RLF: variants seen among roughly 807,000 people sequenced by gnomAD.
The protein encoded by RLF is zinc finger protein Rlf.
RLF carries 7 observed loss-of-function variants against 162.9 expected under a neutral mutation model. That is an observed-to-expected ratio of 0.04 (90% CI 0.02 to 0.08). RLF has a LOEUF of 0.08. Ranked by LOEUF, RLF falls within the 10% of genes least tolerant of loss-of-function variation. The probability of loss-of-function intolerance (pLI) is 1.00; values close to 1 mark genes in which losing one functional copy is unlikely to be tolerated. For synonymous variants in RLF, 782 were observed against 791.5 expected (o/e 0.99, Z 0.20); for missense variants, 1,664 against 2,244.7 (o/e 0.74, Z 5.23).
At chr1:40,193,961 TAAA>T (rs1642595267) in intron 3 of RLF, among the ~76,000 whole-genome samples, 2 of 152,160 alleles carry the variant, frequency 1.3e-5, no homozygotes, top group Non-Finnish European at 2.9e-5. Context: ...TTCAGGAGTT[TAAA>T]ATAAGGGAAA....
In RLF at chr1:40,191,538, G is replaced by GA. The variant is rs1421384810; in HGVS notation, c.474+685_474+686insA. Among the ~76,000 whole-genome samples the GA allele has an allele frequency of 1.1e-4, 16 of 147,404 alleles. 1 individual carries two copies. The highest frequency in any genetic ancestry group is 3.4e-4 in the Admixed American group (5 of 14,854). ...GAGCAACAGAGTGAGACTCTGTCTC[G>GA]GAAAAAAAAAAAAAAGACATAATAA... On this transcript the variant is annotated intron_variant, in intron 3 of 7. Coordinates refer to ENST00000372771, the MANE Select transcript of RLF (RefSeq NM_012421.4).
At chr1:40,220,572 G>A (rs1311291356) in intron 5 of RLF, among the ~76,000 whole-genome samples, 1 of 152,146 alleles carries the variant, frequency 6.6e-6, no homozygotes, top group African/African-American at 2.4e-5. Flanking sequence ...TTGATTCTTA[G>A]TAACTGCTTC....
In RLF at chr1:40,238,110, T is replaced by C. The variant is rs374186831; in HGVS notation, c.3408T>C (p.Tyr1136=). 10 of 1,613,916 alleles carry C rather than the reference T, an allele frequency of 6.2e-6. No individual in the cohort carries two copies. The highest frequency in any genetic ancestry group is 2.7e-5 in the African/African-American group (2 of 74,920). ...TCTGTGAGCTTCAAGGATGCAAATA[T>C]GAATTTGTGACCAGAGAGGCTCTGT... is the stretch of plus-strand genomic sequence containing the variant. ...PFFCELQGCK[Y]EFVTREALLM... Residue 1136 remains tyrosine (Y), a synonymous_variant, in exon 8 of 8, where the codon TAT becomes TAC. Transcript: ENST00000372771. The surrounding 1 kb of genome is among the most constrained non-coding windows in gnomAD (Gnocchi z 5.2).
intron 1 of RLF, among the ~76,000 whole-genome samples, chr1:40,167,770 T>C (rs772189588): frequency 6.6e-6 from 1 of 150,984 alleles, no homozygotes; most frequent in Non-Finnish European, 1.5e-5. Context: ...GTAAGTGCCA[T>C]GAAGGTGTTG....
intron 1 of RLF, among the ~76,000 whole-genome samples, chr1:40,168,773 C>T (rs1042472621): frequency 3.3e-5 from 5 of 151,286 alleles, no homozygotes; most frequent in Non-Finnish European, 7.4e-5. Flanking sequence ...GGGTGGATCA[C>T]CTGAGGTCAG....
chr1:40,196,363 C>T (rs1432044303), intron 4 of RLF, among the ~76,000 whole-genome samples: 1 of 151,776 alleles, frequency 6.6e-6, no homozygotes, highest in East Asian at 1.9e-4. Flanking sequence ...AGAGCCACTG[C>T]GCCCGGTCTG....
intron 4 of RLF, among the ~76,000 whole-genome samples, chr1:40,197,382 C>G (rs1293816802): frequency 6.6e-6 from 1 of 152,114 alleles, no homozygotes; most frequent in African/African-American, 2.4e-5. Flanking sequence ...CTGTTAGAAC[C>G]AGGTAATTTC....
intron 6 of RLF, among the ~76,000 whole-genome samples, chr1:40,224,623 CTTTTTTTTTTTTTTTTTTT>C (rs1168908018): frequency 2.1e-3 from 69 of 33,262 alleles, no homozygotes; most frequent in African/African-American, 8.2e-3. Flanking sequence ...TTTTTGAAAG[CTTTTTTTTTTTTTTTTTTT>C]TTTTTTTTTT....
chr1:40,217,751 A>C (rs1642943878), intron 5 of RLF, among the ~76,000 whole-genome samples: 2 of 152,162 alleles, frequency 1.3e-5, no homozygotes, highest in Admixed American at 6.6e-5. Flanking sequence ...CAGCCTGGGC[A>C]ACAGAGCAAT....
chr1:40,219,614 G>A (rs1298767598), intron 5 of RLF, among the ~76,000 whole-genome samples: 3 of 152,092 alleles, frequency 2.0e-5, no homozygotes, highest in African/African-American at 2.4e-5. Context: ...AACTAGTTCC[G>A]CCTTCACAAT....
At chr1:40,173,811 G>A (rs1642279313) in intron 1 of RLF, among the ~76,000 whole-genome samples, 1 of 152,114 alleles carries the variant, frequency 6.6e-6, no homozygotes, top group Non-Finnish European at 1.5e-5. Context: ...CACCGTGCCA[G>A]GCTGATCATG....
At chr1:40,191,927 G>C (rs537196692) in intron 3 of RLF, among the ~76,000 whole-genome samples, 2 of 152,304 alleles carry the variant, frequency 1.3e-5, no homozygotes, top group South Asian at 4.1e-4. Context: ...GTTACACACA[G>C]ATTTCAAACC....
At chr1:40,229,783 C>A (rs1481133726) in intron 6 of RLF, among the ~76,000 whole-genome samples, 3 of 151,912 alleles carry the variant, frequency 2.0e-5, no homozygotes, top group Non-Finnish European at 4.4e-5. Flanking sequence ...ACCATATATT[C>A]ATTTCAATCT....
chr1:40,169,622 C>CAAAAA (rs886534976), intron 1 of RLF, among the ~76,000 whole-genome samples: 1 of 46,964 alleles, frequency 2.1e-5, no homozygotes. Context: ...GACTCCGTCT[C>CAAAAA]AAAAAAAAAA....
At position 40,238,485 on chromosome 1, in the gene RLF, T is replaced by C. The variant is rs776072633; in HGVS notation, c.3783T>C (p.Cys1261=). 14 of 1,614,070 alleles carry C rather than the reference T, an allele frequency of 8.7e-6. No homozygotes were observed. Among genetic ancestry groups the C allele is most frequent in the Non-Finnish European group, 9.3e-6 (11 of 1,180,010 alleles). The change falls in exon 8 of 8, where the codon TGT becomes TGC. Residue 1261 remains cysteine (C), a synonymous_variant. Transcript: ENST00000372771. The surrounding 1 kb of genome is among the most constrained non-coding windows in gnomAD (Gnocchi z 5.2). ...CTGAAACAGATTTGGAATCATCTTG[T>C]GAAGAAACAGAAAGTAAAACATCTG... ...CSSETDLESS[C]EETESKTSDI...
intron 1 of RLF, among the ~76,000 whole-genome samples, chr1:40,173,512 T>G (rs536641864): frequency 7.8e-5 from 11 of 140,878 alleles, no homozygotes; most frequent in African/African-American, 3.1e-4. Flanking sequence ...TATGATCATG[T>G]AATTTTTTTT....
At chr1:40,177,067 A>C (rs1570518800) in intron 1 of RLF, among the ~76,000 whole-genome samples, 1 of 151,402 alleles carries the variant, frequency 6.6e-6, no homozygotes, top group African/African-American at 2.4e-5. Flanking sequence ...GACTCACTGC[A>C]ACCTCCGCCT....
chr1:40,228,547 C>G (rs1643109649), intron 6 of RLF, among the ~76,000 whole-genome samples: 2 of 150,698 alleles, frequency 1.3e-5, no homozygotes, highest in Admixed American at 1.3e-4. Flanking sequence ...CATGCCATTG[C>G]ACTGCAGCCT....
chr1:40,169,714 T>C (rs1335571390), intron 1 of RLF, among the ~76,000 whole-genome samples: 13 of 148,124 alleles, frequency 8.8e-5, no homozygotes, highest in Non-Finnish European at 1.5e-5. Flanking sequence ...TTTTTTGAGA[T>C]GAAGTTTCGC....
Sources: gnomAD v4.1 joint callset for allele counts (sites outside exome capture counted in the v4.1 genomes callset) on GRCh38, gnomAD v4.1.1 for gene constraint, Gnocchi (gnomAD v3.1) non-coding constraint, MANE v1.5 for transcripts, NCBI Gene and HGNC (gene_info 2026-07-23, HGNC 2026-07-21) for gene names.